The following RSPO1 variants were observed in gnomAD, a reference collection of about 807,000 sequenced individuals.
RSPO1 encodes the protein R-spondin-1.
A neutral mutation model predicts 26.0 loss-of-function variants in RSPO1; 18 were observed. That is an observed-to-expected ratio of 0.69 (90% CI 0.48 to 1.03). The LOEUF (loss-of-function observed/expected upper bound fraction) is 1.03, where lower values mean the gene tolerates loss of function less well. RSPO1 is among the 50% of genes least tolerant of loss of function. RSPO1 has a pLI of 0.00. For missense variants in RSPO1, 309 were observed against 352.3 expected, an observed-to-expected ratio of 0.88 and a Z score of 0.98; for synonymous variants, 133 against 137.4, an observed-to-expected ratio of 0.97 and a Z score of 0.22.
intron 3 of RSPO1, among the ~76,000 whole-genome samples, chr1:37,623,673 T>C (rs1644235365): frequency 6.6e-6 from 1 of 150,464 alleles, no homozygotes; most frequent in African/African-American, 2.5e-5. Flanking sequence ...AGCCTAGGAG[T>C]TGCAGACCAG....
chr1:37,629,511 G>T, intron 3 of RSPO1, 57 bp downstream of exon 3: 2 of 1,443,518 alleles, frequency 1.4e-6, no homozygotes, highest in South Asian at 1.1e-5. Context: ...CCTAGTTCCT[G>T]GGTGGCCCCC....
At chr1:37,623,511 A>G (rs542023663) in intron 3 of RSPO1, among the ~76,000 whole-genome samples, 1 of 152,144 alleles carries the variant, frequency 6.6e-6, no homozygotes, top group South Asian at 2.1e-4. Flanking sequence ...CCAGAAGCCT[A>G]GGGGAGGAGG....
intron 2 of RSPO1, among the ~76,000 whole-genome samples, chr1:37,630,378 G>A (rs1041250638): frequency 1.3e-5 from 2 of 152,142 alleles, no homozygotes; most frequent in East Asian, 1.9e-4. Flanking sequence ...TTTTCTTCCC[G>A]GGGCTGAGTC....
At chr1:37,623,761 TC>T (rs1489204230) in intron 3 of RSPO1, among the ~76,000 whole-genome samples, 1 of 145,612 alleles carries the variant, frequency 6.9e-6, no homozygotes, top group African/African-American at 2.6e-5. Context: ...TCTCTCCCTC[TC>T]TTTTTTTTTT....
chr1:37,615,058 T>G (rs1644090820), intron 4 of RSPO1, among the ~76,000 whole-genome samples: 1 of 151,988 alleles, frequency 6.6e-6, no homozygotes. Flanking sequence ...CTTCCCAGAG[T>G]GCAGGCGGGG....
rs1644046766 is a variant in RSPO1 at position 37,612,860 on chromosome 1, C to A, written c.687G>T (p.Arg229Ser). Residue 229 changes from arginine to serine, a missense_variant, in exon 7 of 7, where the codon AGG becomes AGT. By Grantham distance (110) the Arg-to-Ser change is moderately radical (BLOSUM62 -1). Transcript: ENST00000356545. Reference protein sequence around the residue: ...RRENANRNLARKESKEAGAGS... With the variant: ...RRENANRNLASKESKEAGAGS... ...CAGCACCCGCCTCCTTGCTCTCCTT[C>A]CTGGCCAGGTTCCTGTTGGCATTCT... is the stretch of plus-strand genomic sequence containing the variant. 1.2e-6 allele frequency: 2 copies of A among 1,614,102 alleles called. No individual in the cohort carries two copies. Among genetic ancestry groups the A allele is most frequent in the Non-Finnish European group, 8.5e-7 (1 of 1,180,038 alleles).
chr1:37,616,227 G>A (rs1644109458), intron 4 of RSPO1, among the ~76,000 whole-genome samples: 1 of 152,272 alleles, frequency 6.6e-6, no homozygotes, highest in East Asian at 1.9e-4. Context: ...ACTCAGGGCT[G>A]TGGCTTGGGT....
chr1:37,625,957 C>G (rs537713811), intron 3 of RSPO1, among the ~76,000 whole-genome samples: 1 of 152,266 alleles, frequency 6.6e-6, no homozygotes, highest in Admixed American at 6.5e-5. Context: ...GGATTACAGG[C>G]GTGAGCCACC....
chr1:37,629,728 T>C lies in RSPO1; in HGVS notation c.-67A>G. The C allele has an allele frequency of 1.9e-6, 3 of 1,593,000 alleles. No homozygotes were observed. The highest frequency in any genetic ancestry group is 3.5e-5 in the Admixed American group (2 of 56,498). On this transcript the variant is annotated 5_prime_UTR_variant, in exon 3 of 7. Coordinates refer to ENST00000356545, the MANE Select transcript of RSPO1 (RefSeq NM_001242908.2). The stretch of plus-strand genomic sequence containing the variant: ...TCGGGGAGGGTGGATAGCACACGGC[T>C]CTTGCTAACACCTCTGGGGCTGGGT...
Position 37,617,661 on chromosome 1 carries a change from C to CAAAAAAAA in RSPO1, c.95-994_95-987dup, listed in dbSNP as rs34856591. Among the ~76,000 whole-genome samples the CAAAAAAAA allele has an allele frequency of 4.1e-4, 15 of 36,372 alleles. 1 individual carries two copies. Among genetic ancestry groups the CAAAAAAAA allele is most frequent in the African/African-American group, 1.4e-3 (12 of 8,610 alleles). The allele number at this position is 36,372 out of a possible 152,430, so 23.9% of individuals were successfully genotyped here. A position where few individuals can be genotyped will look rare whatever the true frequency, so the allele number is the denominator to read the frequency against. On this transcript the variant is annotated intron_variant, in intron 3 of 6. Coordinates refer to ENST00000356545, the MANE Select transcript of RSPO1 (RefSeq NM_001242908.2). ...CGGATGACAGAGCAAGACTCCATCT[C>CAAAAAAAA]AAAAAAAAAAAAAAAAAAAAAAAAA...
At chr1:37,621,996 A>C (rs1439338147) in intron 3 of RSPO1, among the ~76,000 whole-genome samples, 1 of 152,016 alleles carries the variant, frequency 6.6e-6, no homozygotes, top group African/African-American at 2.4e-5. Context: ...AACATCGAAC[A>C]GTCATCAAAG....
rs1019732916 is a variant in RSPO1, at chr1:37,629,729, C to T, written c.-68G>A. 2 of 1,590,852 alleles carry T rather than the reference C, an allele frequency of 1.3e-6. No individual in the cohort carries two copies. Among genetic ancestry groups the T allele is most frequent in the Admixed American group, 1.8e-5 (1 of 56,152 alleles). ...CGGGGAGGGTGGATAGCACACGGCTCTTGCTAACACCTCTGGGGCTGGGTC... is the reference window on the plus strand; with the variant it reads ...CGGGGAGGGTGGATAGCACACGGCTTTTGCTAACACCTCTGGGGCTGGGTC... On this transcript the variant is annotated 5_prime_UTR_variant, in exon 3 of 7. Coordinates refer to ENST00000356545, the MANE Select transcript of RSPO1 (RefSeq NM_001242908.2).
At chr1:37,619,524 T>C (rs1644167883) in intron 3 of RSPO1, among the ~76,000 whole-genome samples, 1 of 152,128 alleles carries the variant, frequency 6.6e-6, no homozygotes, top group South Asian at 2.1e-4. Context: ...CAGGAGAACA[T>C]GGAGGAGTTA....
chr1:37,611,444 G>A lies in RSPO1; in HGVS notation c.*1311C>T, dbSNP rs1200973298. On this transcript the variant is annotated 3_prime_UTR_variant, in exon 7 of 7. Transcript: ENST00000356545. ...CACCTGCCCTTGGCACCATCCTTTT[G>A]TAGTTATATATGTGTTTGTACAATT... 1 of 152,166 alleles carries A rather than the reference G, an allele frequency of 6.6e-6. No individual in the cohort carries two copies. Among genetic ancestry groups the A allele is most frequent in the African/African-American group, 2.4e-5 (1 of 41,422 alleles). The allele number at this position is 152,166 out of a possible 1,614,324, so 9.4% of individuals were successfully genotyped here.
intron 4 of RSPO1, among the ~76,000 whole-genome samples, chr1:37,614,550 A>G (rs1644081870): frequency 6.6e-6 from 1 of 152,184 alleles, no homozygotes; most frequent in African/African-American, 2.4e-5. Context: ...TTGCTCCTGA[A>G]GGCTGGCTGG....
chr1:37,633,762 C>T (rs1398970542), intron 1 of RSPO1, among the ~76,000 whole-genome samples: 1 of 152,110 alleles, frequency 6.6e-6, no homozygotes, highest in Non-Finnish European at 1.5e-5. Context: ...CCTCCAAAAG[C>T]AAGGGCAGCG....
chr1:37,619,224 A>T (rs551033175), intron 3 of RSPO1, among the ~76,000 whole-genome samples: 24 of 152,336 alleles, frequency 1.6e-4, no homozygotes, highest in Middle Eastern at 3.4e-3. Context: ...CTGTCTCAAA[A>T]GACAAAACAA....
At chr1:37,627,647 C>CACAAA (rs56125415) in intron 3 of RSPO1, among the ~76,000 whole-genome samples, 10,284 of 148,510 alleles carry the variant, frequency 0.069, 422 homozygotes, top group Non-Finnish European at 0.099. Context: ...AAGACTCCAT[C>CACAAA]ACAAAACAAA....
At chr1:37,615,047 C>T (rs1644090774) in intron 4 of RSPO1, among the ~76,000 whole-genome samples, 1 of 152,178 alleles carries the variant, frequency 6.6e-6, no homozygotes, top group Admixed American at 6.5e-5. Context: ...CACAATCTCT[C>T]CTTCCCAGAG....
Sources: allele counts gnomAD v4.1 joint callset (sites outside exome capture counted in the v4.1 genomes callset), GRCh38; gene constraint gnomAD v4.1.1; transcripts MANE v1.5; gene names NCBI Gene and HGNC (gene_info 2026-07-23, HGNC 2026-07-21).